Variants in SMARCD2 observed in about 807,000 individuals in gnomAD.
SMARCD2 encodes SWI/SNF related BAF chromatin remodeling complex subunit D2.
Under a neutral mutation model 70.4 loss-of-function variants are expected in SMARCD2, and 39 were observed. The observed-to-expected ratio is 0.55, with a 90% CI of 0.43 to 0.72. The LOEUF (loss-of-function observed/expected upper bound fraction) is 0.72, where lower values mean the gene tolerates loss of function less well. SMARCD2 is among the 30% of genes least tolerant of loss of function. SMARCD2 has a pLI of 0.00. For synonymous variants in SMARCD2, 249 were observed against 279.4 expected (o/e 0.89, Z 1.08); for missense variants, 540 against 713.4 (o/e 0.76, Z 2.77).
In SMARCD2 at chr17:63,835,430, T is replaced by C; in HGVS notation, c.705A>G (p.Glu235=). The C allele has an allele frequency of 6.2e-7, 1 of 1,613,494 alleles. No homozygotes were observed. The highest frequency in any genetic ancestry group is 8.5e-7 in the Non-Finnish European group (1 of 1,179,596). Residue 235 remains glutamate, a synonymous_variant, in exon 5 of 13, where the codon GAA becomes GAG. Transcript: ENST00000448276. ...DKVASWELRV[E]GKLLDDPSKQ... ...AACTCACATCATCCAGCAGTTTTCCTTCCACTCGGAGTTCCCAGGAAGCCA... is the reference window on the plus strand; with the variant it reads ...AACTCACATCATCCAGCAGTTTTCCCTCCACTCGGAGTTCCCAGGAAGCCA...
At chr17:63,836,307 G>C (rs1268621284) in intron 4 of SMARCD2, among the ~76,000 whole-genome samples, 1 of 151,900 alleles carries the variant, frequency 6.6e-6, no homozygotes, top group Non-Finnish European at 1.5e-5. Flanking sequence ...TCAGGAGTTC[G>C]AGACCAGCCT....
At position 63,837,379 on chromosome 17, in the gene SMARCD2, G is replaced by T; in HGVS notation, c.401+62C>A. 6.4e-7 allele frequency: 1 copy of T among 1,554,698 alleles called. No individual in the cohort carries two copies. Among genetic ancestry groups the T allele is most frequent in the South Asian group, 1.1e-5 (1 of 88,194 alleles). On this transcript the variant is annotated intron_variant, in intron 2 of 12. Transcript: ENST00000448276. The surrounding 1 kb of genome is among the most constrained non-coding windows in gnomAD (Gnocchi z 6.4). Reference sequence around the variant, plus strand: ...AGTCACCAAAGCTCTTAAGATAGAAGGAAACCCTCTGCTACCACCAGAGCT... The same window carrying T: ...AGTCACCAAAGCTCTTAAGATAGAATGAAACCCTCTGCTACCACCAGAGCT...
chr17:63,832,798 C>G lies in SMARCD2; in HGVS notation c.*140G>C. 1 of 738,950 alleles carries G rather than the reference C, an allele frequency of 1.4e-6. No individual in the cohort carries two copies. The highest frequency in any genetic ancestry group is 2.3e-6 in the Non-Finnish European group (1 of 426,660). 45.8% of individuals were successfully genotyped at this position (738,950 alleles called of 1,614,324 possible). A position where few individuals can be genotyped will look rare whatever the true frequency, so the allele number is the denominator to read the frequency against. Reference sequence around the variant, plus strand: ...CAAGCAACAAGGAATCCTATCACTACATTTATAAGACTAAAGCTGGAGAGT... The same window carrying G: ...CAAGCAACAAGGAATCCTATCACTAGATTTATAAGACTAAAGCTGGAGAGT... On this transcript the variant is annotated 3_prime_UTR_variant, in exon 13 of 13. Transcript: ENST00000448276.
Position 63,833,358 on chromosome 17 carries a change from A to G in SMARCD2, c.1380T>C (p.Phe460=). 1 of 1,614,016 alleles carries G rather than the reference A, an allele frequency of 6.2e-7. No homozygotes were observed. The highest frequency in any genetic ancestry group is 8.5e-7 in the Non-Finnish European group (1 of 1,179,902). Residue 460 remains phenylalanine (F), a synonymous_variant, in exon 11 of 13, where the codon TTT becomes TTC. Transcript: ENST00000448276. This position sits in a 1 kb window ranked among gnomAD's most constrained non-coding sequence, Gnocchi z 4.3. ...GGATGAAGTCCTGGGGGTCGGTGCT[A>G]AAACTGAGCATGAAATCTCTCTGGG... ...LKTQRDFMLS[F]STDPQDFIQE...
At chr17:63,838,662 AC>A in intron 1 of SMARCD2, 1 of 1,461,020 alleles carries the variant, frequency 6.8e-7, no homozygotes, top group Non-Finnish European at 9.0e-7. Context: ...AGTCACCTCC[AC>A]CCCCACCCGC....
chr17:63,839,866 C>T (rs976856729), intron 1 of SMARCD2, among the ~76,000 whole-genome samples: 3 of 152,172 alleles, frequency 2.0e-5, no homozygotes, highest in Admixed American at 6.5e-5. Flanking sequence ...CAGTGGCTCA[C>T]GCCTATAATC....
Position 63,833,795 on chromosome 17 carries a change from C to A in SMARCD2, c.1182-73G>T. ...GCCCACCTGGGCCAAATCTGGGGCC[C>A]ATTCTCTGCACACACTCAGGGAAAA... On this transcript the variant is annotated intron_variant, in intron 9 of 12. Transcript: ENST00000448276. The surrounding 1 kb of genome is among the most constrained non-coding windows in gnomAD (Gnocchi z 4.3). 1 of 1,596,118 alleles carries A rather than the reference C, an allele frequency of 6.3e-7. No individual in the cohort carries two copies. Among genetic ancestry groups the A allele is most frequent in the Non-Finnish European group, 8.6e-7 (1 of 1,164,506 alleles).
At position 63,834,986 on chromosome 17, in the gene SMARCD2, C is replaced by T; in HGVS notation, c.724-186G>A. The T allele has an allele frequency of 1.7e-6, 1 of 595,048 alleles. No individual in the cohort carries two copies. The highest frequency in any genetic ancestry group is 3.0e-6 in the Non-Finnish European group (1 of 335,584). 36.9% of individuals were successfully genotyped at this position (595,048 alleles called of 1,614,324 possible). A position where few individuals can be genotyped will look rare whatever the true frequency, so the allele number is the denominator to read the frequency against. ...CAGGGAAATGGTGCCCTCTTGCAGC[C>T]CACGAGGGACTTCCTCGAGACACTC... On this transcript the variant is annotated intron_variant, in intron 5 of 12. Transcript: ENST00000448276. The surrounding 1 kb of genome is among the most constrained non-coding windows in gnomAD (Gnocchi z 5.6).
At position 63,834,454 on chromosome 17, in the gene SMARCD2, G is replaced by C. The variant is rs1310520501; in HGVS notation, c.921+20C>G. On this transcript the variant is annotated intron_variant, in intron 7 of 12. Coordinates refer to ENST00000448276, the MANE Select transcript of SMARCD2 (RefSeq NM_001098426.2). This position sits in a 1 kb window ranked among gnomAD's most constrained non-coding sequence, Gnocchi z 5.6. ...GAGGGGTCCCTGTGGGCCCAGAAAT[G>C]ACCCCAGGGTCTCTGTCACCTGATG... 1 of 1,563,896 alleles carries C rather than the reference G, an allele frequency of 6.4e-7. No homozygotes were observed. The highest frequency in any genetic ancestry group is 2.3e-5 in the East Asian group (1 of 44,258).
chr17:63,836,499 A>G (rs2727284), intron 4 of SMARCD2, among the ~76,000 whole-genome samples: 93,547 of 135,864 alleles, frequency 0.69, 33,505 homozygotes, highest in African/African-American at 0.91. Context: ...ACTCCATCTC[A>G]GAAAAAAAAA....
In SMARCD2 at chr17:63,837,411, G is replaced by A. The variant is rs2040279272; in HGVS notation, c.401+30C>T. ...CTCTGCTACCACCAGAGCTGAGTTA[G>A]GCAGAGTGAGAGAAGCAGGATGCTC... On this transcript the variant is annotated intron_variant, in intron 2 of 12. Coordinates refer to ENST00000448276, the MANE Select transcript of SMARCD2 (RefSeq NM_001098426.2). This position sits in a 1 kb window ranked among gnomAD's most constrained non-coding sequence, Gnocchi z 6.4. 6.4e-7 allele frequency: 1 copy of A among 1,567,688 alleles called. No individual in the cohort carries two copies. Among genetic ancestry groups the A allele is most frequent in the South Asian group, 1.2e-5 (1 of 85,028 alleles).
rs1270452010 is a variant in SMARCD2, at chr17:63,832,259, A to T, written c.*679T>A. The T allele has an allele frequency of 2.2e-6, 1 of 460,006 alleles. No homozygotes were observed. Among genetic ancestry groups the T allele is most frequent in the East Asian group, 4.0e-5 (1 of 25,254 alleles). The allele number at this position is 460,006 out of a possible 1,614,324, so 28.5% of individuals were successfully genotyped here. On this transcript the variant is annotated 3_prime_UTR_variant, in exon 13 of 13. Coordinates refer to ENST00000448276, the MANE Select transcript of SMARCD2 (RefSeq NM_001098426.2). ...CCCATACCTCAGGCCATGCTAGAGA[A>T]CTGGAGTGTCCCCTCCCCGGCCCAA...
chr17:63,835,032 C>T (rs2665831), intron 5 of SMARCD2: 369,689 of 569,380 alleles, frequency 0.65, 122,969 homozygotes, highest in African/African-American at 0.92. Context: ...TGCAGGAACA[C>T]TGTAATAACC....
At position 63,832,305 on chromosome 17, in the gene SMARCD2, C is replaced by T; in HGVS notation, c.*633G>A. 2.9e-6 allele frequency: 1 copy of T among 346,440 alleles called. No individual in the cohort carries two copies. Among genetic ancestry groups the T allele is most frequent in the South Asian group, 3.9e-5 (1 of 25,324 alleles). The allele number at this position is 346,440 out of a possible 1,614,324, so 21.5% of individuals were successfully genotyped here. On this transcript the variant is annotated 3_prime_UTR_variant, in exon 13 of 13. Transcript: ENST00000448276. ...CCCAAGCCGCTGGAGAGGCAGCCCT[C>T]TGGCATCCCAGGAGATGATGGCGGC...
chr17:63,836,224 T>A (rs2040263705), intron 4 of SMARCD2, among the ~76,000 whole-genome samples: 1 of 151,898 alleles, frequency 6.6e-6, no homozygotes, highest in Non-Finnish European at 1.5e-5. Flanking sequence ...TCTACATTAT[T>A]ATTAAGAAAA....
chr17:63,833,915 A>G lies in SMARCD2; in HGVS notation c.1175T>C (p.Val392Ala), dbSNP rs1252946800. 1 of 1,609,364 alleles carries G rather than the reference A, an allele frequency of 6.2e-7. No homozygotes were observed. The highest frequency in any genetic ancestry group is 8.5e-7 in the Non-Finnish European group (1 of 1,175,692). ...TCCCCCTCCTTGCATTTACCTAATG[A>G]CATGGTTGATGACAATGGGGTCTGG... Reference protein sequence around the residue: ...QHPDPIVINHVISVDPNDQKK... With the variant: ...QHPDPIVINHAISVDPNDQKK... The change falls in exon 9 of 13, where the codon GTC becomes GCC. Residue 392 changes from valine to alanine, a missense_variant. Transcript: ENST00000448276. The surrounding 1 kb of genome is among the most constrained non-coding windows in gnomAD (Gnocchi z 4.3).
intron 1 of SMARCD2, chr17:63,838,705 T>C (rs1181792716): frequency 2.2e-6 from 3 of 1,389,938 alleles, no homozygotes; most frequent in Non-Finnish European, 2.8e-6. Context: ...AAGGCCTGTT[T>C]GGCAGCTCTG....
intron 1 of SMARCD2, among the ~76,000 whole-genome samples, chr17:63,841,731 C>A (rs1472252835): frequency 6.6e-6 from 1 of 152,264 alleles, no homozygotes; most frequent in Non-Finnish European, 1.5e-5. Context: ...CAGGGCTCCA[C>A]TCTGCACGTC....
At chr17:63,836,464 A>G (rs1424414196) in intron 4 of SMARCD2, among the ~76,000 whole-genome samples, 2 of 147,158 alleles carry the variant, frequency 1.4e-5, no homozygotes, top group African/African-American at 2.6e-5. Context: ...GCAACACTGC[A>G]CTCCAGCTTA....
Sources: gnomAD v4.1 joint callset for allele counts (sites outside exome capture counted in the v4.1 genomes callset) on GRCh38, gnomAD v4.1.1 for gene constraint, Gnocchi (gnomAD v3.1) non-coding constraint, MANE v1.5 for transcripts, NCBI Gene and HGNC (gene_info 2026-07-23, HGNC 2026-07-21) for gene names.